Variants in GLIS3 observed in about 807,000 individuals in gnomAD.
The protein encoded by GLIS3 is GLIS family zinc finger 3.
In GLIS3, 53 loss-of-function variants were observed where a neutral mutation model predicts 78.6. The ratio of observed to expected loss-of-function variants is 0.67; its 90% CI spans 0.54 to 0.85. The LOEUF (loss-of-function observed/expected upper bound fraction) is 0.85. Among genes scored for constraint, GLIS3 ranks in the 40% least tolerant of loss-of-function variants. The probability of loss-of-function intolerance (pLI) is 0.00; values close to 1 mark genes in which losing one functional copy is unlikely to be tolerated. For synonymous variants in GLIS3, 684 were observed against 509.9 expected (o/e 1.34, Z -4.60); for missense variants, 1,703 against 1,231.1 (o/e 1.38, Z -5.74).
Position 3,828,377 on chromosome 9 carries a change from G to C in GLIS3, c.2688C>G (p.Leu896=). The change falls in exon 11 of 11, where the codon CTC becomes CTG. Residue 896 remains leucine (L), a synonymous_variant. Coordinates refer to ENST00000381971, the MANE Select transcript of GLIS3 (RefSeq NM_001042413.2). ...CCCCGCTGCGGAGAGACTCCCCAAAGAGGCTCGAGGAACTTGAAGGTAAAT... is the reference window on the plus strand; with the variant it reads ...CCCCGCTGCGGAGAGACTCCCCAAACAGGCTCGAGGAACTTGAAGGTAAAT... ...VYDLPSSSSS[L]FGESLRSGAE... 1 of 1,613,660 alleles carries C rather than the reference G, an allele frequency of 6.2e-7. No homozygotes were observed. The highest frequency in any genetic ancestry group is 2.2e-5 in the East Asian group (1 of 44,870).
At chr9:4,175,175 A>C (rs1294342777) in intron 2 of GLIS3, among the ~76,000 whole-genome samples, 1 of 152,210 alleles carries the variant, frequency 6.6e-6, no homozygotes, top group Non-Finnish European at 1.5e-5. Context: ...GGACCTGAGA[A>C]TTCCTCCATT....
chr9:4,395,826 T>C, the GLIS3 span, among the ~76,000 whole-genome samples: 34 of 149,364 alleles, frequency 2.3e-4, no homozygotes, highest in African/African-American at 8.2e-4. Context: ...CGGGCTGGAG[T>C]GCAATGGCAC....
At chr9:4,148,600 C>T (rs181664170) in intron 2 of GLIS3, among the ~76,000 whole-genome samples, 1 of 151,910 alleles carries the variant, frequency 6.6e-6, no homozygotes, top group Non-Finnish European at 1.5e-5. Context: ...GGGACTGTAC[C>T]TAATCCACCT....
the GLIS3 span, among the ~76,000 whole-genome samples, chr9:4,426,171 C>A: frequency 6.6e-6 from 1 of 152,250 alleles, no homozygotes; most frequent in East Asian, 1.9e-4. Flanking sequence ...TTAAAACCTC[C>A]AAAGTCATCT....
the GLIS3 span, among the ~76,000 whole-genome samples, chr9:4,391,230 G>A: frequency 1.3e-5 from 2 of 152,220 alleles, no homozygotes; most frequent in Non-Finnish European, 2.9e-5. Context: ...GGAAGGGACA[G>A]TGGGGACATG....
upstream of GLIS3, among the ~76,000 whole-genome samples, chr9:4,349,436 T>A: frequency 6.6e-6 from 1 of 152,210 alleles, no homozygotes; most frequent in Non-Finnish European, 1.5e-5. Context: ...GCACATTGCA[T>A]ACAATACCCT....
chr9:4,317,761 G>C (rs910079829), intron 2 of GLIS3, among the ~76,000 whole-genome samples: 4 of 152,132 alleles, frequency 2.6e-5, no homozygotes, highest in Non-Finnish European at 5.9e-5. Flanking sequence ...ATGAAGCTCA[G>C]AATTTATTTA....
At chr9:4,075,731 C>T (rs144050186) in intron 4 of GLIS3, among the ~76,000 whole-genome samples, 39 of 152,176 alleles carry the variant, frequency 2.6e-4, no homozygotes, top group Middle Eastern at 3.4e-3. Context: ...GAAGTGTATG[C>T]ATAGGCAACC....
intron 2 of GLIS3, among the ~76,000 whole-genome samples, chr9:4,272,645 A>G (rs1826621613): frequency 6.6e-6 from 1 of 152,214 alleles, no homozygotes; most frequent in South Asian, 2.1e-4. Context: ...TTTATTTTCA[A>G]CTCTAGAATA....
chr9:4,246,667 T>C (rs1823831569), intron 2 of GLIS3, among the ~76,000 whole-genome samples: 2 of 152,212 alleles, frequency 1.3e-5, no homozygotes, highest in African/African-American at 2.4e-5. Flanking sequence ...CTACCTGATA[T>C]GAAATGGTGC....
chr9:3,891,408 T>C (rs1822436975), intron 7 of GLIS3, among the ~76,000 whole-genome samples: 1 of 152,158 alleles, frequency 6.6e-6, no homozygotes, highest in Non-Finnish European at 1.5e-5. Flanking sequence ...AGTAACGTAA[T>C]TTAAGAAAAA....
At chr9:4,367,971 T>C in the GLIS3 span, among the ~76,000 whole-genome samples, 3 of 152,320 alleles carry the variant, frequency 2.0e-5, no homozygotes, top group South Asian at 4.1e-4. Context: ...AGAAAGAACA[T>C]GTCAAATCCA....
chr9:4,488,896 T>C, the GLIS3 span, among the ~76,000 whole-genome samples: 1 of 151,850 alleles, frequency 6.6e-6, no homozygotes, highest in Non-Finnish European at 1.5e-5. Flanking sequence ...TTTGACAGTC[T>C]CGCTCTGTCG....
At chr9:4,165,981 G>C (rs985414456) in intron 2 of GLIS3, among the ~76,000 whole-genome samples, 2 of 152,146 alleles carry the variant, frequency 1.3e-5, no homozygotes, top group Non-Finnish European at 2.9e-5. Flanking sequence ...GGGTGGAAGG[G>C]GAACAGAGCA....
At chr9:4,241,091 C>T (rs1168621709) in intron 2 of GLIS3, among the ~76,000 whole-genome samples, 1 of 152,176 alleles carries the variant, frequency 6.6e-6, no homozygotes, top group Admixed American at 6.5e-5. Context: ...GGACAAACCA[C>T]CTTTATGATT....
At chr9:3,968,876 T>G (rs1330890049) in intron 4 of GLIS3, among the ~76,000 whole-genome samples, 1 of 152,226 alleles carries the variant, frequency 6.6e-6, no homozygotes, top group Non-Finnish European at 1.5e-5. Flanking sequence ...CCACTGGGGT[T>G]TAGACTGGAC....
chr9:4,080,971 C>A (rs1828513209), intron 4 of GLIS3, among the ~76,000 whole-genome samples: 1 of 152,196 alleles, frequency 6.6e-6, no homozygotes, highest in Non-Finnish European at 1.5e-5. Context: ...TGCAGCAACA[C>A]AGGGCAACTG....
the GLIS3 span, among the ~76,000 whole-genome samples, chr9:4,443,230 C>A: frequency 6.6e-6 from 1 of 152,144 alleles, no homozygotes; most frequent in African/African-American, 2.4e-5. Context: ...ACCCAGAGCC[C>A]AGCAAGCCTG....
chr9:4,392,086 T>G, the GLIS3 span, among the ~76,000 whole-genome samples: 3 of 152,164 alleles, frequency 2.0e-5, no homozygotes, highest in Admixed American at 2.0e-4. Flanking sequence ...AATGAGATCA[T>G]GTCCTTTGCA....
Sources: allele counts gnomAD v4.1 joint callset (sites outside exome capture counted in the v4.1 genomes callset), GRCh38; gene constraint gnomAD v4.1.1; transcripts MANE v1.5; gene names NCBI Gene and HGNC (gene_info 2026-07-23, HGNC 2026-07-21).